MED15: variants seen among roughly 807,000 people sequenced by gnomAD.
MED15 encodes mediator complex subunit 15.
In MED15, 41 loss-of-function variants were observed where a neutral mutation model predicts 118.7. That is an observed-to-expected ratio of 0.35 (90% CI 0.27 to 0.45). The LOEUF (loss-of-function observed/expected upper bound fraction) is 0.45, where lower values mean the gene tolerates loss of function less well. MED15 is among the 20% of genes least tolerant of loss of function. MED15 has a pLI of 1.00. For synonymous variants in MED15, 436 were observed against 413.9 expected (o/e 1.05, Z -0.65); for missense variants, 740 against 1,025.5 (o/e 0.72, Z 3.80).
At chr22:20,511,282 C>G (rs916997831) in intron 1 of MED15, among the ~76,000 whole-genome samples, 1 of 151,992 alleles carries the variant, frequency 6.6e-6, no homozygotes, top group African/African-American at 2.4e-5. Flanking sequence ...AGGCTGAGAT[C>G]TGGGACTACT....
At chr22:20,522,284 C>T (rs568613014) in intron 1 of MED15, 43 of 152,212 alleles carry the variant, frequency 2.8e-4, no homozygotes, top group African/African-American at 1.0e-3. Context: ...CCAAGTGGTA[C>T]CAGTTTACGT....
chr22:20,582,167 G>C (rs947274683), intron 9 of MED15: 5 of 224,024 alleles, frequency 2.2e-5, no homozygotes, highest in African/African-American at 9.5e-5. Context: ...TGGGGGCTGC[G>C]GGGGCTTGTG....
At chr22:20,539,587 G>C (rs2055210623) in intron 2 of MED15, among the ~76,000 whole-genome samples, 1 of 151,998 alleles carries the variant, frequency 6.6e-6, no homozygotes, top group Non-Finnish European at 1.5e-5. Flanking sequence ...ATTTCTCTTG[G>C]GTATATACCT....
In MED15 at chr22:20,581,998, C is replaced by T. The variant is rs751601054; in HGVS notation, c.1273-613C>T. ...CTCTCCCAGGGGCGCTGGTGTGGGC[C>T]GATGCAAGTGCCACCATGGGTGTGT... On this transcript the variant is annotated intron_variant, in intron 9 of 17. Coordinates refer to ENST00000263205, the MANE Select transcript of MED15 (RefSeq NM_001003891.3). The T allele has an allele frequency of 3.2e-5, 5 of 154,158 alleles. No homozygotes were observed. In the South Asian group the frequency reaches 7.9e-4, roughly 24 times the overall value. The allele number at this position is 154,158 out of a possible 1,614,324, so 9.5% of individuals were successfully genotyped here.
intron 2 of MED15, among the ~76,000 whole-genome samples, chr22:20,549,722 C>A (rs1019412225): frequency 1.3e-5 from 2 of 152,182 alleles, no homozygotes; most frequent in East Asian, 3.9e-4. Flanking sequence ...CCTCCCTCCC[C>A]GCTCCCCACT....
At chr22:20,534,059 C>T (rs756293587) in intron 1 of MED15, among the ~76,000 whole-genome samples, 7 of 152,136 alleles carry the variant, frequency 4.6e-5, no homozygotes, top group African/African-American at 7.2e-5. Flanking sequence ...GCTCTCTGAT[C>T]GCTGCTGGTG....
intron 9 of MED15, among the ~76,000 whole-genome samples, chr22:20,575,456 A>G (rs1368961167): frequency 2.6e-5 from 4 of 151,920 alleles, no homozygotes; most frequent in Admixed American, 2.6e-4. Flanking sequence ...AGCTTAAAAT[A>G]GTTATACTGT....
chr22:20,585,556 A>G, intron 16 of MED15, 172 bp from the exon 17 acceptor site: 3 of 707,834 alleles, frequency 4.2e-6, no homozygotes, highest in Non-Finnish European at 7.1e-6. Flanking sequence ...ATCAATGCAG[A>G]GCACTCCAGG....
At chr22:20,559,065 G>A (rs1373753186) in intron 5 of MED15, among the ~76,000 whole-genome samples, 1 of 152,086 alleles carries the variant, frequency 6.6e-6, no homozygotes, top group Non-Finnish European at 1.5e-5. Flanking sequence ...CTAAGGCAGG[G>A]GGATTGCTTG....
rs200241021 is a variant in MED15, at chr22:20,551,313, G to A, written c.157-123G>A. Reference sequence around the variant, plus strand: ...GGATTCCAGAGGAGGCCGAGCAAGCGTCTGAATCTGCCTTGCAGGATGGGC... The same window carrying A: ...GGATTCCAGAGGAGGCCGAGCAAGCATCTGAATCTGCCTTGCAGGATGGGC... On this transcript the variant is annotated intron_variant, in intron 2 of 17. Transcript: ENST00000263205. 7.3e-4 allele frequency: 649 copies of A among 891,442 alleles called. 6 individuals are homozygous for A. Among genetic ancestry groups the A allele is most frequent in the South Asian group, 2.4e-4 (18 of 76,346 alleles). 55.2% of individuals were successfully genotyped at this position (891,442 alleles called of 1,614,324 possible).
intron 5 of MED15, among the ~76,000 whole-genome samples, chr22:20,563,058 A>T (rs1417970311): frequency 6.6e-6 from 1 of 152,100 alleles, no homozygotes; most frequent in Admixed American, 6.6e-5. Flanking sequence ...TCTTACACCC[A>T]TCAGAATTGC....
rs1372046064 is a variant in MED15 at position 20,585,096 on chromosome 22, C to T, written c.1965-5C>T. The T allele has an allele frequency of 6.2e-7, 1 of 1,613,574 alleles. No individual in the cohort carries two copies. Among genetic ancestry groups the T allele is most frequent in the Non-Finnish European group, 8.5e-7 (1 of 1,179,876 alleles). ...CCAGGTGTGGTCACCATGCCGCCTC[C>T]CCAGGGCCCCAGTGGTGTGCACCCG... On this transcript the variant is annotated splice_region_variant and splice_polypyrimidine_tract_variant and intron_variant, in intron 15 of 17. Transcript: ENST00000263205.
At position 20,572,969 on chromosome 22, in the gene MED15, T is replaced by TC. The variant is rs531789186; in HGVS notation, c.1153-2144_1153-2143insC. Among the ~76,000 whole-genome samples the TC allele has an allele frequency of 6.7e-5, 10 of 149,884 alleles. 1 individual carries two copies. The South Asian group carries it at 1.3e-3, about 19-fold the overall frequency. On this transcript the variant is annotated intron_variant, in intron 8 of 17. Transcript: ENST00000263205. Reference sequence around the variant, plus strand: ...AGGACAGAATGCATCTCATTTTCTTTTTTTTTTTTTTTTTAAAGACAGAGT... The same window carrying TC: ...AGGACAGAATGCATCTCATTTTCTTTCTTTTTTTTTTTTTTAAAGACAGAGT...
intron 5 of MED15, among the ~76,000 whole-genome samples, chr22:20,556,569 G>A (rs2056016082): frequency 6.6e-6 from 1 of 152,122 alleles, no homozygotes; most frequent in South Asian, 2.1e-4. Flanking sequence ...CAAAGTGCTG[G>A]GATTACAGAC....
intron 2 of MED15, among the ~76,000 whole-genome samples, chr22:20,545,473 CAAAAAAAAAAA>C (rs56307139): frequency 2.2e-5 from 2 of 90,152 alleles, no homozygotes; most frequent in African/African-American, 8.6e-5. Context: ...GACTCCACCT[CAAAAAAAAAAA>C]AAAAAAAAAG....
At chr22:20,521,793 T>C (rs752944592) in intron 1 of MED15, among the ~76,000 whole-genome samples, 6 of 151,118 alleles carry the variant, frequency 4.0e-5, no homozygotes, top group Non-Finnish European at 5.9e-5. Flanking sequence ...TGGCTCAATC[T>C]CACCTCACTG....
At chr22:20,545,699 G>A (rs1050530041) in intron 2 of MED15, among the ~76,000 whole-genome samples, 2 of 152,052 alleles carry the variant, frequency 1.3e-5, no homozygotes, top group African/African-American at 2.4e-5. Flanking sequence ...TTCCTTGGGT[G>A]GGGGGCACTG....
intron 1 of MED15, among the ~76,000 whole-genome samples, chr22:20,511,988 C>CTTTTTTTTTTTTTTTTTT (rs746240328): frequency 3.3e-5 from 3 of 92,200 alleles, no homozygotes; most frequent in African/African-American, 5.4e-5. Context: ...ACATTCTAAG[C>CTTTTTTTTTTTTTTTTTT]TTTTTTTTTT....
In MED15 at chr22:20,538,624, T is replaced by C. The variant is rs575196028; in HGVS notation, c.156+1420T>C. On this transcript the variant is annotated intron_variant, in intron 2 of 17. Coordinates refer to ENST00000263205, the MANE Select transcript of MED15 (RefSeq NM_001003891.3). ...TTTCCTTCAACCCTCAGCTACCACT[T>C]ATACTTTCTACTGCTGTAGATTTGC... Among the ~76,000 whole-genome samples, 6 of 152,288 alleles carry C rather than the reference T, an allele frequency of 3.9e-5. No individual in the cohort carries two copies. In the South Asian group the frequency reaches 1.2e-3, roughly 32 times the overall value.
Sources: allele counts gnomAD v4.1 joint callset (sites outside exome capture counted in the v4.1 genomes callset), GRCh38; gene constraint gnomAD v4.1.1; transcripts MANE v1.5; gene names NCBI Gene and HGNC (gene_info 2026-07-23, HGNC 2026-07-21).